PKD1L3: variants seen among roughly 807,000 people sequenced by gnomAD.
The protein encoded by PKD1L3 is polycystin 1 like 3, transient receptor potential channel interacting.
In PKD1L3, 239 loss-of-function variants were observed where a neutral mutation model predicts 184.1. The ratio of observed to expected loss-of-function variants is 1.30; its 90% CI spans 1.17 to 1.45. The LOEUF (loss-of-function observed/expected upper bound fraction) is 1.45, where lower values mean the gene tolerates loss of function less well. Among genes scored for constraint, PKD1L3 ranks in the 40% most tolerant of loss-of-function variants. The pLI is 0.00. For synonymous variants in PKD1L3, 996 were observed against 778.8 expected (o/e 1.28, Z -4.64); for missense variants, 2,660 against 2,067.2 (o/e 1.29, Z -5.56).
At chr16:71,982,300 T>TC (rs2040193743) in intron 6 of PKD1L3, 65 bp from the exon 7 acceptor site, 1 of 1,230,682 alleles carries the variant, frequency 8.1e-7, no homozygotes, top group Non-Finnish European at 1.1e-6. Context: ...TTTTTTTTTT[T>TC]TGGTGACAGA....
intron 15 of PKD1L3, 24 bp downstream of exon 15, chr16:71,967,113 A>G: frequency 6.5e-7 from 1 of 1,540,194 alleles, no homozygotes. Context: ...CAGCAGCAAC[A>G]GCCAACAGGA....
chr16:71,967,452 T>C (rs2039545751), intron 14 of PKD1L3, 137 bp from the exon 15 acceptor site: 1 of 873,324 alleles, frequency 1.1e-6, no homozygotes, highest in East Asian at 2.7e-5. Context: ...TAGATAATTC[T>C]TCATATATGC....
At position 71,969,870 on chromosome 16, in the gene PKD1L3, AT is replaced by A; in HGVS notation, c.2184+4del. ...GCAAATCTGTTGAAATCAAAGTCTC[AT>A]TACCTTCTGCATATCTGCTTGATCC... is the stretch of plus-strand genomic sequence containing the variant. On this transcript the variant is annotated splice_donor_region_variant and intron_variant, in intron 13 of 29. Transcript: ENST00000620267. 6.5e-7 allele frequency: 1 copy of A among 1,541,884 alleles called. No individual in the cohort carries two copies. The highest frequency in any genetic ancestry group is 1.2e-5 in the South Asian group (1 of 83,498).
chr16:71,984,362 T>C (rs572850942), intron 5 of PKD1L3, among the ~76,000 whole-genome samples, 195 bp from the exon 6 acceptor site: 6 of 152,146 alleles, frequency 3.9e-5, no homozygotes, highest in Admixed American at 3.3e-4. Flanking sequence ...TTCCATACGA[T>C]AGAGAAAATG....
At chr16:71,997,071 G>T (rs12597458) in intron 2 of PKD1L3, among the ~76,000 whole-genome samples, 61,640 of 151,206 alleles carry the variant, frequency 0.41, 13,526 homozygotes, top group East Asian at 0.69. Context: ...AAGTGGGAAA[G>T]AGTCACCCGG....
chr16:71,932,980 C>T (rs891880784), intron 28 of PKD1L3, among the ~76,000 whole-genome samples: 1 of 151,618 alleles, frequency 6.6e-6, no homozygotes, highest in Admixed American at 6.6e-5. Context: ...TTAGTAGAGA[C>T]AAAGTCTCTA....
At position 71,997,888 on chromosome 16, in the gene PKD1L3, G is replaced by A. The variant is rs929109038; in HGVS notation, c.418+384C>T. 3.3e-5 allele frequency among the ~76,000 whole-genome samples: 5 copies of A among 152,110 alleles called. No homozygotes were observed. The South Asian group carries it at 6.2e-4, about 19-fold the overall frequency. ...AACCTCGGATAACAGCCCTCTCACCGTTCGACTTCTCATCTTCCTCTGCCT... is the reference window on the plus strand; with the variant it reads ...AACCTCGGATAACAGCCCTCTCACCATTCGACTTCTCATCTTCCTCTGCCT... On this transcript the variant is annotated intron_variant, in intron 2 of 29. Coordinates refer to ENST00000620267, the MANE Select transcript of PKD1L3 (RefSeq NM_181536.2).
chr16:71,985,769 G>A (rs933019860), intron 5 of PKD1L3, among the ~76,000 whole-genome samples: 8 of 152,232 alleles, frequency 5.3e-5, no homozygotes, highest in South Asian at 4.1e-4. Flanking sequence ...GTCTTGCTAC[G>A]TTGCCCAGTC....
chr16:71,990,853 A>T (rs1179585556), intron 3 of PKD1L3, among the ~76,000 whole-genome samples: 1 of 152,180 alleles, frequency 6.6e-6, no homozygotes, highest in Non-Finnish European at 1.5e-5. Flanking sequence ...AGCCCTGAAA[A>T]TTATCAACAA....
intron 28 of PKD1L3, chr16:71,931,265 C>T (rs560454988): frequency 2.6e-5 from 4 of 152,194 alleles, no homozygotes; most frequent in African/African-American, 9.6e-5. Context: ...AAAGGCTCAT[C>T]CCCTAGTTAT....
In PKD1L3 at chr16:71,944,022, C is replaced by T; in HGVS notation, c.3859+8G>A. The T allele has an allele frequency of 1.3e-6, 2 of 1,550,368 alleles. No individual in the cohort carries two copies. The highest frequency in any genetic ancestry group is 1.7e-6 in the Non-Finnish European group (2 of 1,146,626). On this transcript the variant is annotated splice_region_variant and intron_variant, in intron 23 of 29. Coordinates refer to ENST00000620267, the MANE Select transcript of PKD1L3 (RefSeq NM_181536.2). ...TGTTATCAGTATGTTGCCATTTCCT[C>T]TCCATACCCAAAATATCTCCAGTCA...
chr16:71,951,769 A>T (rs993797468), intron 18 of PKD1L3, 25 bp from the exon 19 acceptor site: 1 of 1,533,570 alleles, frequency 6.5e-7, no homozygotes. Flanking sequence ...AGATGAGAAA[A>T]ATCAGCCTGT....
chr16:71,966,353 G>A (rs926345987), intron 15 of PKD1L3, among the ~76,000 whole-genome samples: 6 of 151,528 alleles, frequency 4.0e-5, no homozygotes, highest in Admixed American at 6.6e-5. Flanking sequence ...CTTTATCATC[G>A]TCTAGTTATT....
At chr16:71,943,103 G>A (rs1253255290) in intron 23 of PKD1L3, 79 bp from the exon 24 acceptor site, 21 of 1,205,846 alleles carry the variant, frequency 1.7e-5, no homozygotes, top group Non-Finnish European at 2.3e-5. Context: ...TTTTTCCTAA[G>A]TCTATAGACT....
intron 26 of PKD1L3, among the ~76,000 whole-genome samples, chr16:71,934,944 T>G (rs957132087): frequency 2.6e-5 from 4 of 152,224 alleles, no homozygotes; most frequent in African/African-American, 9.6e-5. Flanking sequence ...TCTCTTAGTA[T>G]GGATGAGTGA....
At chr16:71,936,748 G>T (rs1453244590) in intron 25 of PKD1L3, among the ~76,000 whole-genome samples, 1 of 152,094 alleles carries the variant, frequency 6.6e-6, no homozygotes, top group African/African-American at 2.4e-5. Context: ...CTCCTAAAGT[G>T]CTTGAACTAC....
intron 13 of PKD1L3, 76 bp from the exon 14 acceptor site, chr16:71,968,083 A>G: frequency 8.3e-7 from 1 of 1,208,890 alleles, no homozygotes; most frequent in Non-Finnish European, 1.2e-6. Context: ...GCTGAGGAGC[A>G]GGAGGATGAA....
chr16:71,993,159 T>C, intron 3 of PKD1L3, 57 bp downstream of exon 3: 1 of 1,252,422 alleles, frequency 8.0e-7, no homozygotes, highest in Non-Finnish European at 1.1e-6. Context: ...TTGTGCATTC[T>C]TTTAGCAGAA....
chr16:71,973,583 C>T, intron 11 of PKD1L3, 66 bp from the exon 12 acceptor site: 1 of 1,327,418 alleles, frequency 7.5e-7, no homozygotes, highest in South Asian at 1.4e-5. Context: ...AACCTCTCTT[C>T]TAAAGGATCT....
Sources: gnomAD v4.1 joint callset for allele counts (sites outside exome capture counted in the v4.1 genomes callset) on GRCh38, gnomAD v4.1.1 for gene constraint, MANE v1.5 for transcripts, NCBI Gene and HGNC (gene_info 2026-07-23, HGNC 2026-07-21) for gene names.